GALNTL6: variants seen among roughly 807,000 people sequenced by gnomAD.
The protein encoded by GALNTL6 is polypeptide N-acetylgalactosaminyltransferase like 6.
A neutral mutation model predicts 73.7 loss-of-function variants in GALNTL6; 46 were observed. The observed-to-expected ratio is 0.62, with a 90% CI of 0.49 to 0.80. The LOEUF is 0.80. Ranked by LOEUF, GALNTL6 falls within the 30% of genes least tolerant of loss-of-function variation. The pLI is 0.00. For missense variants in GALNTL6, 604 were observed against 755.0 expected, an observed-to-expected ratio of 0.80 and a Z score of 2.34; for synonymous variants, 259 against 263.7, an observed-to-expected ratio of 0.98 and a Z score of 0.17.
In GALNTL6 at chr4:172,027,460, T is replaced by C. The variant is rs117699011; in HGVS notation, c.139-202196T>C. Among the ~76,000 whole-genome samples the C allele has an allele frequency of 4.8e-4, 73 of 152,220 alleles. No individual in the cohort carries two copies. The East Asian group carries it at 0.013, about 27-fold the overall frequency. ...TACCACAAACTGTGCCCTTGTAAGA[T>C]GGTGGATTTAATCAATATATGCTGT... On this transcript the variant is annotated intron_variant, in intron 2 of 12. Coordinates refer to ENST00000506823, the MANE Select transcript of GALNTL6 (RefSeq NM_001034845.3).
At chr4:172,139,414 G>A (rs1460165451) in intron 2 of GALNTL6, among the ~76,000 whole-genome samples, 1 of 152,116 alleles carries the variant, frequency 6.6e-6, no homozygotes, top group Non-Finnish European at 1.5e-5. Context: ...CACAATTCTA[G>A]AATTTTAACA....
intron 2 of GALNTL6, among the ~76,000 whole-genome samples, chr4:172,109,598 C>A (rs1259656685): frequency 6.6e-6 from 1 of 152,186 alleles, no homozygotes; most frequent in African/African-American, 2.4e-5. Flanking sequence ...TTCCCACAGA[C>A]AAACCACTAA....
chr4:172,732,086 T>G (rs1367179473), intron 5 of GALNTL6, among the ~76,000 whole-genome samples: 1 of 152,098 alleles, frequency 6.6e-6, no homozygotes, highest in Non-Finnish European at 1.5e-5. Context: ...CTCCACTGTT[T>G]CCTTGTTGAT....
chr4:172,412,695 C>T (rs1190203980), intron 5 of GALNTL6, among the ~76,000 whole-genome samples: 1 of 152,074 alleles, frequency 6.6e-6, no homozygotes, highest in Non-Finnish European at 1.5e-5. Context: ...TCCTTCATTG[C>T]TTGTGAAACC....
intron 2 of GALNTL6, among the ~76,000 whole-genome samples, chr4:172,010,891 T>C (rs34730408): frequency 1.3e-3 from 191 of 152,184 alleles, no homozygotes; most frequent in African/African-American, 4.3e-3. Flanking sequence ...AAGAGTAATT[T>C]TTCAGAAAGA....
chr4:172,574,888 G>C (rs549566609), intron 5 of GALNTL6, among the ~76,000 whole-genome samples: 1 of 151,626 alleles, frequency 6.6e-6, no homozygotes, highest in Non-Finnish European at 1.5e-5. Context: ...TTTTAGAGAG[G>C]TGCTCACACA....
intron 3 of GALNTL6, among the ~76,000 whole-genome samples, chr4:172,286,336 T>C (rs1046845830): frequency 6.6e-6 from 1 of 152,160 alleles, no homozygotes; most frequent in African/African-American, 2.4e-5. Flanking sequence ...TGTGTGATGA[T>C]GTTGTGGGAG....
At chr4:172,422,367 A>C (rs1453666535) in intron 5 of GALNTL6, among the ~76,000 whole-genome samples, 2 of 103,850 alleles carry the variant, frequency 1.9e-5, no homozygotes, top group Non-Finnish European at 4.5e-5. Flanking sequence ...TGACCTATCC[A>C]CAGCCTATTA....
intron 5 of GALNTL6, among the ~76,000 whole-genome samples, chr4:172,677,872 C>CAA (rs5864149): frequency 1.4e-5 from 2 of 142,084 alleles, no homozygotes; most frequent in African/African-American, 5.2e-5. Context: ...GTTTTGAAGG[C>CAA]AAAAAAAAAA....
Position 172,144,563 on chromosome 4 carries a change from TATG to T in GALNTL6, c.139-85090_139-85088del, listed in dbSNP as rs1340631129. Among the ~76,000 whole-genome samples the T allele has an allele frequency of 2.0e-5, 3 of 152,326 alleles. No individual in the cohort carries two copies. In the East Asian group the frequency reaches 5.8e-4, roughly 29 times the overall value. On this transcript the variant is annotated intron_variant, in intron 2 of 12. Transcript: ENST00000506823. ...TATGAGAGGGAGCTAGAAGTCATCT[TATG>T]ATAGTCTTTCATTTACTAGGTGAAT...
chr4:172,376,155 A>G (rs944511851), intron 5 of GALNTL6, among the ~76,000 whole-genome samples: 1 of 152,212 alleles, frequency 6.6e-6, no homozygotes, highest in African/African-American at 2.4e-5. Flanking sequence ...CCTAAAGAAG[A>G]TAACAGAATC....
intron 5 of GALNTL6, among the ~76,000 whole-genome samples, chr4:172,532,523 G>A (rs1048342855): frequency 3.3e-5 from 5 of 152,152 alleles, no homozygotes; most frequent in Admixed American, 2.6e-4. Context: ...ATTTGTTACT[G>A]CAGCCACAGG....
chr4:172,402,229 G>A (rs1744068889), intron 5 of GALNTL6, among the ~76,000 whole-genome samples: 1 of 151,990 alleles, frequency 6.6e-6, no homozygotes, highest in South Asian at 2.1e-4. Flanking sequence ...CTGGCTTAGT[G>A]CAATGAACTT....
chr4:172,105,320 A>G (rs550820791), intron 2 of GALNTL6, among the ~76,000 whole-genome samples: 1 of 152,228 alleles, frequency 6.6e-6, no homozygotes, highest in South Asian at 2.1e-4. Context: ...AAGACACGGA[A>G]GACATGAATT....
At chr4:172,891,871 G>T (rs1746050832) in intron 8 of GALNTL6, among the ~76,000 whole-genome samples, 1 of 151,894 alleles carries the variant, frequency 6.6e-6, no homozygotes, top group Non-Finnish European at 1.5e-5. Flanking sequence ...CTGGGTCTTT[G>T]AGCCTTTACA....
At chr4:172,479,433 TGGA>T (rs1276161112) in intron 5 of GALNTL6, among the ~76,000 whole-genome samples, 1 of 152,156 alleles carries the variant, frequency 6.6e-6, no homozygotes, top group South Asian at 2.1e-4. Context: ...TGGATGGAAA[TGGA>T]GGAGGTTTTC....
At chr4:172,852,877 C>A (rs959818999) in intron 7 of GALNTL6, among the ~76,000 whole-genome samples, 2 of 151,884 alleles carry the variant, frequency 1.3e-5, no homozygotes, top group African/African-American at 2.4e-5. Context: ...TATGATAAAC[C>A]ATGATTTAAA....
chr4:172,415,695 A>ATT (rs1730805421), intron 5 of GALNTL6, among the ~76,000 whole-genome samples: 1 of 151,998 alleles, frequency 6.6e-6, no homozygotes, highest in African/African-American at 2.4e-5. Context: ...CCAAAAACCG[A>ATT]GCTCCCTGAG....
intron 5 of GALNTL6, among the ~76,000 whole-genome samples, chr4:172,756,279 A>T (rs994903794): frequency 6.6e-6 from 1 of 152,238 alleles, no homozygotes; most frequent in African/African-American, 2.4e-5. Context: ...AACCTTAAAT[A>T]TGCAATTAAA....
Sources: gnomAD v4.1 joint callset for allele counts (sites outside exome capture counted in the v4.1 genomes callset) on GRCh38, gnomAD v4.1.1 for gene constraint, MANE v1.5 for transcripts, NCBI Gene and HGNC (gene_info 2026-07-23, HGNC 2026-07-21) for gene names.